The following ATF7IP variants were observed in gnomAD, a reference collection of about 807,000 sequenced individuals.
The protein encoded by ATF7IP is activating transcription factor 7 interacting protein.
In ATF7IP, 23 loss-of-function variants were observed where a neutral mutation model predicts 106.4. The ratio of observed to expected loss-of-function variants is 0.22; its 90% CI spans 0.16 to 0.31. The LOEUF (loss-of-function observed/expected upper bound fraction) is 0.31, where lower values mean the gene tolerates loss of function less well. Among genes scored for constraint, ATF7IP ranks in the 10% least tolerant of loss-of-function variants. The probability of loss-of-function intolerance (pLI) is 1.00; values close to 1 mark genes in which losing one functional copy is unlikely to be tolerated. For missense variants in ATF7IP, 1,334 were observed against 1,524.3 expected (o/e 0.88, Z 2.08); for synonymous variants, 542 against 539.0 (o/e 1.01, Z -0.08).
chr12:14,386,138 TAA>T (rs1296343417), intron 1 of ATF7IP, among the ~76,000 whole-genome samples: 4 of 152,254 alleles, frequency 2.6e-5, no homozygotes, highest in Admixed American at 2.0e-4. Flanking sequence ...CTCAGTTAAT[TAA>T]GTTATATTTT....
rs200611526 is a variant in ATF7IP at position 14,426,529 on chromosome 12, C to CTT, written c.1558+1070_1558+1071dup. ...AGATTTTTTTCTTATTAAAAAATGG[C>CTT]TTTTTTTTTTTTTTTGGCCAGGTAA... On this transcript the variant is annotated intron_variant, in intron 2 of 14. Transcript: ENST00000261168. Among the ~76,000 whole-genome samples, 413 of 131,748 alleles carry CTT rather than the reference C, an allele frequency of 3.1e-3. 1 individual carries two copies. Among genetic ancestry groups the CTT allele is most frequent in the African/African-American group, 0.011 (384 of 35,948 alleles). 86.4% of individuals were successfully genotyped at this position (131,748 alleles called of 152,430 possible). A position where few individuals can be genotyped will look rare whatever the true frequency, so the allele number is the denominator to read the frequency against.
rs1945151678 is a variant in ATF7IP at position 14,501,197 on chromosome 12, TTTCA to T, written c.*3126_*3129del. The T allele has an allele frequency of 6.6e-6, 1 of 152,182 alleles. No individual in the cohort carries two copies. Among genetic ancestry groups the T allele is most frequent in the Non-Finnish European group, 1.5e-5 (1 of 68,016 alleles). The allele number at this position is 152,182 out of a possible 1,614,324, so 9.4% of individuals were successfully genotyped here. A position where few individuals can be genotyped will look rare whatever the true frequency, so the allele number is the denominator to read the frequency against. ...TTCCACTCCACGGTTACCTTTTTAGTTTCATAGTATCTTTTCACAAAGTATTACA... is the reference window on the plus strand; with the variant it reads ...TTCCACTCCACGGTTACCTTTTTAGTTAGTATCTTTTCACAAAGTATTACA... On this transcript the variant is annotated 3_prime_UTR_variant, in exon 15 of 15. Coordinates refer to ENST00000261168, the MANE Select transcript of ATF7IP (RefSeq NM_018179.5).
At chr12:14,405,695 A>T (rs760948963) in intron 1 of ATF7IP, among the ~76,000 whole-genome samples, 3 of 152,010 alleles carry the variant, frequency 2.0e-5, no homozygotes, top group Non-Finnish European at 2.9e-5. Context: ...TTGGGATTAT[A>T]GGCGTGAGCC....
intron 1 of ATF7IP, among the ~76,000 whole-genome samples, chr12:14,421,515 T>A (rs1350051803): frequency 6.6e-6 from 1 of 152,180 alleles, no homozygotes; most frequent in Admixed American, 6.5e-5. Flanking sequence ...ATAACTTCAA[T>A]TGTCACATGG....
At chr12:14,491,349 A>G (rs77108367) in intron 13 of ATF7IP, among the ~76,000 whole-genome samples, 15,940 of 152,270 alleles carry the variant, frequency 0.1, 1,047 homozygotes, top group African/African-American at 0.19. Flanking sequence ...AAAGGCAGCA[A>G]CTAGTCTTTC....
At chr12:14,455,222 A>G (rs1943379099) in intron 6 of ATF7IP, among the ~76,000 whole-genome samples, 2 of 151,908 alleles carry the variant, frequency 1.3e-5, no homozygotes. Context: ...ATGTGCTTAA[A>G]GATGCATTCC....
intron 6 of ATF7IP, among the ~76,000 whole-genome samples, chr12:14,450,517 T>C (rs1565522474): frequency 2.0e-5 from 3 of 152,224 alleles, no homozygotes; most frequent in South Asian, 2.1e-4. Context: ...TAAACCAACT[T>C]GGTCATGGTG....
At chr12:14,466,464 A>G in intron 9 of ATF7IP, 62 bp from the exon 10 acceptor site, 1 of 1,338,552 alleles carries the variant, frequency 7.5e-7, no homozygotes, top group Non-Finnish European at 1.1e-6. Context: ...TGTTTCATAT[A>G]AAGCAACTTA....
chr12:14,396,383 T>C (rs999483392), intron 1 of ATF7IP, among the ~76,000 whole-genome samples: 2 of 152,158 alleles, frequency 1.3e-5, no homozygotes, highest in Admixed American at 1.3e-4. Flanking sequence ...TACTCATGTT[T>C]CAGGGGCAGG....
intron 2 of ATF7IP, among the ~76,000 whole-genome samples, chr12:14,433,724 TG>T (rs1486851202): frequency 6.6e-6 from 1 of 152,022 alleles, no homozygotes; most frequent in East Asian, 1.9e-4. Context: ...CTCATCTATA[TG>T]ATGACAAAAA....
At chr12:14,375,909 G>A (rs1213924913) in intron 1 of ATF7IP, among the ~76,000 whole-genome samples, 1 of 152,178 alleles carries the variant, frequency 6.6e-6, no homozygotes, top group Non-Finnish European at 1.5e-5. Flanking sequence ...GAGCTAGAAT[G>A]TAAATGCATT....
intron 13 of ATF7IP, among the ~76,000 whole-genome samples, chr12:14,484,533 CCCTTCACCGATGT>C (rs1944530717): frequency 2.0e-5 from 3 of 152,184 alleles, no homozygotes; most frequent in Admixed American, 2.0e-4. Flanking sequence ...GGGAATATTT[CCCTTCACCGATGT>C]CCTTCAGGGA....
intron 5 of ATF7IP, among the ~76,000 whole-genome samples, chr12:14,444,480 A>G (rs1218693668): frequency 1.3e-5 from 2 of 152,082 alleles, no homozygotes; most frequent in Non-Finnish European, 2.9e-5. Context: ...ACCCAATGTA[A>G]TAGAATATCA....
intron 12 of ATF7IP, 32 bp downstream of exon 12, chr12:14,478,504 TG>T: frequency 2.5e-6 from 4 of 1,612,012 alleles, no homozygotes; most frequent in Non-Finnish European, 8.5e-7. Context: ...GTAGAAGCTT[TG>T]GTTTTGCCTG....
At chr12:14,476,846 A>G (rs775387834) in intron 11 of ATF7IP, among the ~76,000 whole-genome samples, 9 of 152,224 alleles carry the variant, frequency 5.9e-5, no homozygotes, top group Non-Finnish European at 1.0e-4. Flanking sequence ...TATAATATTT[A>G]GAAACTGTAA....
chr12:14,430,882 G>A (rs1408358587), intron 2 of ATF7IP, among the ~76,000 whole-genome samples: 2 of 152,178 alleles, frequency 1.3e-5, no homozygotes, highest in Non-Finnish European at 2.9e-5. Context: ...GCTGATTCCT[G>A]CAACAAGGAC....
chr12:14,402,691 C>T (rs1940318642), intron 1 of ATF7IP, among the ~76,000 whole-genome samples: 1 of 151,042 alleles, frequency 6.6e-6, no homozygotes, highest in Non-Finnish European at 1.5e-5. Flanking sequence ...TCACTACAAC[C>T]TCTGCCTCCT....
chr12:14,389,220 G>A lies in ATF7IP; in HGVS notation c.-8+23393G>A, dbSNP rs531412290. On this transcript the variant is annotated intron_variant, in intron 1 of 14. Transcript: ENST00000261168. ...TATAACTCATGCTCAGAAGCAAGAA[G>A]TGCTAAGTAACATCATATCCACTTA... Among the ~76,000 whole-genome samples, 4 of 152,326 alleles carry A rather than the reference G, an allele frequency of 2.6e-5. No homozygotes were observed. In the East Asian group the frequency reaches 5.8e-4, roughly 22 times the overall value.
intron 1 of ATF7IP, among the ~76,000 whole-genome samples, chr12:14,403,049 G>T (rs1186122246): frequency 1.3e-5 from 2 of 151,966 alleles, no homozygotes; most frequent in Admixed American, 6.6e-5. Context: ...GTGTTTTTTT[G>T]TGTTTAAGAG....
Sources: allele counts gnomAD v4.1 joint callset (sites outside exome capture counted in the v4.1 genomes callset), GRCh38; gene constraint gnomAD v4.1.1; transcripts MANE v1.5; gene names NCBI Gene and HGNC (gene_info 2026-07-23, HGNC 2026-07-21).